Variants in CSNK1G1 observed in about 807,000 individuals in gnomAD.
CSNK1G1 encodes casein kinase I isoform gamma-1.
Under a neutral mutation model 59.6 loss-of-function variants are expected in CSNK1G1, and 22 were observed. The ratio of observed to expected loss-of-function variants is 0.37; its 90% CI spans 0.26 to 0.53. CSNK1G1 has a LOEUF of 0.53. Among genes scored for constraint, CSNK1G1 ranks in the 20% least tolerant of loss-of-function variants. The pLI is 0.89. For missense variants in CSNK1G1, 384 were observed against 519.5 expected, an observed-to-expected ratio of 0.74 and a Z score of 2.54; for synonymous variants, 179 against 177.1, an observed-to-expected ratio of 1.01 and a Z score of -0.08.
chr15:64,273,646 A>G (rs1258923916), intron 2 of CSNK1G1, among the ~76,000 whole-genome samples: 3 of 151,944 alleles, frequency 2.0e-5, no homozygotes, highest in African/African-American at 7.3e-5. Context: ...GGGGTGTCCA[A>G]CCTTTTGGCT....
Position 64,316,655 on chromosome 15 carries a change from GT to G in CSNK1G1, c.-224-15933del, listed in dbSNP as rs1312425510. ...ATTTCTGCCTCCAAAGAAAAAAGAA[GT>G]AAAAACTAAAAGGCAGAAATGAAAT... On this transcript the variant is annotated intron_variant, in intron 1 of 11. Coordinates refer to ENST00000303052, the MANE Select transcript of CSNK1G1 (RefSeq NM_022048.5). Among the ~76,000 whole-genome samples, 5 of 151,896 alleles carry G rather than the reference GT, an allele frequency of 3.3e-5. No homozygotes were observed. The South Asian group carries it at 1.0e-3, about 32-fold the overall frequency.
chr15:64,339,459 C>T (rs1897574851), intron 1 of CSNK1G1, among the ~76,000 whole-genome samples: 1 of 152,076 alleles, frequency 6.6e-6, no homozygotes, highest in African/African-American at 2.4e-5. Context: ...ATTACAGGCA[C>T]CCACCACCAC....
intron 4 of CSNK1G1, among the ~76,000 whole-genome samples, chr15:64,243,967 G>A (rs1457710379): frequency 4.6e-5 from 7 of 151,972 alleles, no homozygotes; most frequent in African/African-American, 1.7e-4. Context: ...TCAGGACTTC[G>A]AGAACAGCCT....
chr15:64,284,476 T>C (rs891024163), intron 2 of CSNK1G1, among the ~76,000 whole-genome samples: 6 of 152,198 alleles, frequency 3.9e-5, no homozygotes, highest in African/African-American at 1.4e-4. Context: ...TGTAGTTAGA[T>C]CTTAAATTCC....
At chr15:64,288,420 A>C (rs1353316198) in intron 2 of CSNK1G1, among the ~76,000 whole-genome samples, 1 of 152,170 alleles carries the variant, frequency 6.6e-6, no homozygotes, top group Non-Finnish European at 1.5e-5. Context: ...AGAAATAAGG[A>C]GGTATCTAGA....
At chr15:64,342,956 G>T (rs1474337850) in intron 1 of CSNK1G1, among the ~76,000 whole-genome samples, 1 of 151,692 alleles carries the variant, frequency 6.6e-6, no homozygotes, top group Non-Finnish European at 1.5e-5. Flanking sequence ...TCCAGGAGAC[G>T]CTGCTGCTGC....
At chr15:64,348,483 A>T (rs997792060) in intron 1 of CSNK1G1, 1 of 152,218 alleles carries the variant, frequency 6.6e-6, no homozygotes, top group Non-Finnish European at 1.5e-5. Flanking sequence ...TCAAAAAAAA[A>T]TTAATGAAAA....
chr15:64,225,836 A>G (rs1001954933), intron 4 of CSNK1G1, among the ~76,000 whole-genome samples: 13 of 152,182 alleles, frequency 8.5e-5, no homozygotes, highest in Non-Finnish European at 1.5e-5. Context: ...TATGTTGGCC[A>G]GGCTGATCTT....
At chr15:64,233,280 A>C (rs1228465004) in intron 4 of CSNK1G1, among the ~76,000 whole-genome samples, 1 of 152,214 alleles carries the variant, frequency 6.6e-6, no homozygotes, top group Non-Finnish European at 1.5e-5. Flanking sequence ...GCAATTAAGG[A>C]AATTACTGGT....
At chr15:64,267,909 GT>G (rs1893070906) in intron 2 of CSNK1G1, among the ~76,000 whole-genome samples, 1 of 152,032 alleles carries the variant, frequency 6.6e-6, no homozygotes, top group Admixed American at 6.6e-5. Context: ...GAGCCCAGGA[GT>G]TCAAGACCAG....
intron 3 of CSNK1G1, among the ~76,000 whole-genome samples, chr15:64,254,348 T>A (rs984094315): frequency 6.8e-6 from 1 of 147,804 alleles, no homozygotes; most frequent in Admixed American, 6.7e-5. Flanking sequence ...CTTAATGCCA[T>A]TGAACTTTTT....
At chr15:64,290,916 G>A (rs1410624862) in intron 2 of CSNK1G1, among the ~76,000 whole-genome samples, 1 of 152,028 alleles carries the variant, frequency 6.6e-6, no homozygotes, top group Admixed American at 6.6e-5. Flanking sequence ...GTTTCACCAC[G>A]TTGGCCAGGC....
chr15:64,258,355 C>T (rs1892506336), intron 3 of CSNK1G1, among the ~76,000 whole-genome samples: 1 of 150,946 alleles, frequency 6.6e-6, no homozygotes, highest in African/African-American at 2.4e-5. Context: ...TGCACTCCAG[C>T]CTGGGCAACA....
intron 4 of CSNK1G1, among the ~76,000 whole-genome samples, chr15:64,230,892 T>C (rs2140291364): frequency 6.6e-6 from 1 of 152,216 alleles, no homozygotes; most frequent in East Asian, 1.9e-4. Context: ...GAGAATGGCA[T>C]GAACCCAGGA....
chr15:64,203,297 G>T, intron 9 of CSNK1G1, 108 bp from the exon 10 acceptor site: 1 of 750,154 alleles, frequency 1.3e-6, no homozygotes, highest in Non-Finnish European at 2.3e-6. Flanking sequence ...ATTATTTTCA[G>T]CTACCAAGAG....
At position 64,343,208 on chromosome 15, in the gene CSNK1G1, A is replaced by AACACAC. The variant is rs3057760; in HGVS notation, c.-225+12774_-225+12779dup. Reference sequence around the variant, plus strand: ...GCCAGGGCAACAAGAGCAAAACTCCAACACACACACACACACACACACACA... The same window carrying AACACAC: ...GCCAGGGCAACAAGAGCAAAACTCCAACACACACACACACACACACACACACACACA... On this transcript the variant is annotated intron_variant, in intron 1 of 11. Transcript: ENST00000303052. Among the ~76,000 whole-genome samples, 39 of 110,018 alleles carry AACACAC rather than the reference A, an allele frequency of 3.5e-4. No homozygotes were observed. The East Asian group carries it at 3.6e-3, about 10-fold the overall frequency. The allele number at this position is 110,018 out of a possible 152,430, so 72.2% of individuals were successfully genotyped here. A position where few individuals can be genotyped will look rare whatever the true frequency, so the allele number is the denominator to read the frequency against.
chr15:64,233,723 T>G (rs571904359), intron 4 of CSNK1G1, among the ~76,000 whole-genome samples: 1 of 152,156 alleles, frequency 6.6e-6, no homozygotes. Flanking sequence ...CAAACTAGTA[T>G]AGCTAAAGGC....
At chr15:64,204,670 G>A in intron 8 of CSNK1G1, 81 bp from the exon 9 acceptor site, 1 of 1,437,308 alleles carries the variant, frequency 7.0e-7, no homozygotes. Flanking sequence ...GGGCCACAAA[G>A]GGGTTATTTA....
chr15:64,218,828 A>G (rs73462584), intron 4 of CSNK1G1, among the ~76,000 whole-genome samples: 2,344 of 151,508 alleles, frequency 0.015, 66 homozygotes, highest in African/African-American at 0.054. Flanking sequence ...TATCTCCAAA[A>G]GAGAAAAGGA....
Sources: gnomAD v4.1 joint callset for allele counts (sites outside exome capture counted in the v4.1 genomes callset) on GRCh38, gnomAD v4.1.1 for gene constraint, MANE v1.5 for transcripts, NCBI Gene and HGNC (gene_info 2026-07-23, HGNC 2026-07-21) for gene names.